MYO7B: variants seen among roughly 807,000 people sequenced by gnomAD.
MYO7B encodes the protein unconventional myosin-VIIb.
In MYO7B, 212 loss-of-function variants were observed where a neutral mutation model predicts 259.7. The observed-to-expected ratio is 0.82, with a 90% confidence interval of 0.73 to 0.91. The LOEUF (loss-of-function observed/expected upper bound fraction) is 0.91. Ranked by LOEUF, MYO7B falls within the 40% of genes least tolerant of loss-of-function variation. The pLI is 0.00. For missense variants in MYO7B, 2,732 were observed against 2,813.5 expected, an observed-to-expected ratio of 0.97 and a Z score of 0.66; for synonymous variants, 1,197 against 1,166.4, an observed-to-expected ratio of 1.03 and a Z score of -0.54.
chr2:127,636,125 C>G lies in MYO7B; in HGVS notation c.6007-83C>G. 1.6e-6 allele frequency: 2 copies of G among 1,243,638 alleles called. No individual in the cohort carries two copies. Among genetic ancestry groups the G allele is most frequent in the Non-Finnish European group, 2.3e-6 (2 of 864,768 alleles). The allele number at this position is 1,243,638 out of a possible 1,614,324, so 77.0% of individuals were successfully genotyped here. A position where few individuals can be genotyped will look rare whatever the true frequency, so the allele number is the denominator to read the frequency against. ...CCCTCCCCTCCCCACCGTACTAGCCCTGGGGTAGGCAGGTGCTGCCCCCAC... is the reference window on the plus strand; with the variant it reads ...CCCTCCCCTCCCCACCGTACTAGCCGTGGGGTAGGCAGGTGCTGCCCCCAC... On this transcript the variant is annotated intron_variant, in intron 44 of 47. Coordinates refer to ENST00000409816, the MANE Select transcript of MYO7B (RefSeq NM_001393586.1). The surrounding 1 kb of genome is among the most constrained non-coding windows in gnomAD (Gnocchi z 4.5).
rs549436449 is a variant in MYO7B at position 127,572,292 on chromosome 2, G to A, written c.593-1628G>A. ...AACTTAGTTGAGCATGGTGGCATGCGCCTATAATCCCATCTACTCGGGATG... is the reference window on the plus strand; with the variant it reads ...AACTTAGTTGAGCATGGTGGCATGCACCTATAATCCCATCTACTCGGGATG... On this transcript the variant is annotated intron_variant, in intron 6 of 47. Coordinates refer to ENST00000409816, the MANE Select transcript of MYO7B (RefSeq NM_001393586.1). Among the ~76,000 whole-genome samples the A allele has an allele frequency of 5.3e-5, 8 of 151,804 alleles. No individual in the cohort carries two copies. In the South Asian group the frequency reaches 8.3e-4, roughly 16 times the overall value.
At chr2:127,631,095 A>T (rs1681474898) in intron 36 of MYO7B, 111 bp from the exon 37 acceptor site, 1 of 1,425,418 alleles carries the variant, frequency 7.0e-7, no homozygotes. Context: ...GGCTTGCGGC[A>T]GGGTGGGGTG....
Position 127,630,798 on chromosome 2 carries a change from AGAG to A in MYO7B, c.4828_4830del (p.Glu1610del). ...TTCAGAGCTTGCTTGCCATGTCACC[AGAG>A]AAGAGGAAGCTGGCGGCTCAGGAGG... On this transcript the variant is annotated inframe_deletion, in exon 36 of 48. Transcript: ENST00000409816. The A allele has an allele frequency of 1.2e-6, 2 of 1,613,038 alleles. No individual in the cohort carries two copies. Among genetic ancestry groups the A allele is most frequent in the Non-Finnish European group, 1.7e-6 (2 of 1,179,808 alleles).
rs963361757 is a variant in MYO7B, at chr2:127,559,656, G to A, written c.-23-44G>A. On this transcript the variant is annotated intron_variant, in intron 1 of 47. Coordinates refer to ENST00000409816, the MANE Select transcript of MYO7B (RefSeq NM_001393586.1). The surrounding 1 kb of genome is among the most constrained non-coding windows in gnomAD (Gnocchi z 4.1). Reference sequence around the variant, plus strand: ...TCCTGTGCTCCAGGGGCTCCTATTGGGGCTGTGTATGGAGCTGACGTTCTG... The same window carrying A: ...TCCTGTGCTCCAGGGGCTCCTATTGAGGCTGTGTATGGAGCTGACGTTCTG... 1.3e-6 allele frequency: 2 copies of A among 1,592,918 alleles called. No individual in the cohort carries two copies. The highest frequency in any genetic ancestry group is 2.7e-5 in the African/African-American group (2 of 74,466).
rs766605720 is a variant in MYO7B at position 127,627,272 on chromosome 2, ACT to A, written c.4427_4428del (p.Ser1476PhefsTer26). The A allele has an allele frequency of 1.7e-5, 27 of 1,611,228 alleles. No individual in the cohort carries two copies. Among genetic ancestry groups the A allele is most frequent in the African/African-American group, 4.0e-5 (3 of 74,250 alleles). Reference sequence around the variant, plus strand: ...ACCAGCAGGAGAAGATGCTGCTGGAACTCTCTTTCCCAGAGGTCATGGGTCTG... The same window carrying A: ...ACCAGCAGGAGAAGATGCTGCTGGAACTCTTTCCCAGAGGTCATGGGTCTG... ...LDQQEKMLLELSFPEVMGLAT... is the reference protein window; with the variant it reads ...LDQQEKMLLEXSFPEVMGLAT... On this transcript the variant is annotated frameshift_variant, in exon 33 of 48. Transcript: ENST00000409816. LOFTEE classifies it high-confidence loss of function. The surrounding 1 kb of genome is among the most constrained non-coding windows in gnomAD (Gnocchi z 5.6).
intron 1 of MYO7B, among the ~76,000 whole-genome samples, chr2:127,555,399 G>T (rs1286584709): frequency 6.6e-6 from 1 of 151,948 alleles, no homozygotes; most frequent in Non-Finnish European, 1.5e-5. Context: ...ATTTAGTTCT[G>T]CTCTGATCTT....
Position 127,625,515 on chromosome 2 carries a change from G to A in MYO7B, c.4195G>A (p.Val1399Ile), listed in dbSNP as rs761760742. The A allele has an allele frequency of 1.8e-5, 29 of 1,604,708 alleles. No individual in the cohort carries two copies. Among genetic ancestry groups the A allele is most frequent in the East Asian group, 2.3e-5 (1 of 44,388 alleles). ...GCCCCCAGACAGGTGGGCGAGCCTC[G>A]TCACTGCCGCCTGCGCCAAGGTCAG... is the stretch of plus-strand genomic sequence containing the variant. The part of the protein sequence containing the change: ...TKPPDRWASL[V>I]TAACAKAPYT... Residue 1399 changes from valine (V) to isoleucine (I), a missense_variant, in exon 31 of 48, where the codon GTC becomes ATC. This residue lies in a region of MYO7B where 1,906 missense variants were observed against 2,026.4 expected (regional missense o/e 0.94). Coordinates refer to ENST00000409816, the MANE Select transcript of MYO7B (RefSeq NM_001393586.1).
Position 127,635,915 on chromosome 2 carries a change from G to A in MYO7B, c.6006+8G>A, listed in dbSNP as rs1295610753. ...TCGGAGGAGTGGAAAAAGGTCCCTG[G>A]TCGGGCTGGGGAAGGGTTCTTGTGC... On this transcript the variant is annotated splice_region_variant and intron_variant, in intron 44 of 47. Coordinates refer to ENST00000409816, the MANE Select transcript of MYO7B (RefSeq NM_001393586.1). The A allele has an allele frequency of 3.2e-6, 5 of 1,560,600 alleles. No individual in the cohort carries two copies. The African/African-American group carries it at 6.8e-5, about 21-fold the overall frequency.
chr2:127,553,338 ATTGCT>A (rs201499335), intron 1 of MYO7B, among the ~76,000 whole-genome samples: 1 of 152,134 alleles, frequency 6.6e-6, no homozygotes, highest in East Asian at 1.9e-4. Context: ...GAATTTTTAA[ATTGCT>A]TTTGGCAGTA....
Position 127,571,442 on chromosome 2 carries a change from G to GTTTTTTTTTTTTTT in MYO7B, c.592+1536_592+1549dup. Among the ~76,000 whole-genome samples the GTTTTTTTTTTTTTT allele has an allele frequency of 9.5e-4, 40 of 41,926 alleles. 2 individuals carry two copies. The highest frequency in any genetic ancestry group is 3.0e-3 in the East Asian group (2 of 664). The allele number at this position is 41,926 out of a possible 152,430, so 27.5% of individuals were successfully genotyped here. On this transcript the variant is annotated intron_variant, in intron 6 of 47. Coordinates refer to ENST00000409816, the MANE Select transcript of MYO7B (RefSeq NM_001393586.1). Reference sequence around the variant, plus strand: ...AATTGGTCTATTTCCTTACCAGTGAGTTTTTTTTTTTTTTTTTGCTTGTTT... The same window carrying GTTTTTTTTTTTTTT: ...AATTGGTCTATTTCCTTACCAGTGAGTTTTTTTTTTTTTTTTTTTTTTTTTTTTTTTGCTTGTTT...
At chr2:127,587,261 C>G (rs1322957912) in intron 14 of MYO7B, among the ~76,000 whole-genome samples, 1 of 152,196 alleles carries the variant, frequency 6.6e-6, no homozygotes, top group African/African-American at 2.4e-5. Context: ...GTCCCTACTG[C>G]AGGGCTAGGC....
intron 1 of MYO7B, among the ~76,000 whole-genome samples, chr2:127,542,853 C>A (rs1252143810): frequency 1.3e-5 from 2 of 152,158 alleles, no homozygotes; most frequent in African/African-American, 2.4e-5. Flanking sequence ...GAACAAAGAT[C>A]TCTGTGTCAT....
chr2:127,625,533 A>C lies in MYO7B; in HGVS notation c.4213A>C (p.Lys1405Gln). Residue 1405 changes from lysine to glutamine, a missense_variant and splice_region_variant, in exon 31 of 48, where the codon AAG becomes CAG. Lys to Gln is a moderately conservative substitution (Grantham distance 53). Transcript: ENST00000409816. ...WASLVTAACA[K>Q]APYTQKQVTP... ...GAGCCTCGTCACTGCCGCCTGCGCC[A>C]AGGTCAGCCTGCATGCAGCTCAGGC... 1 of 1,596,980 alleles carries C rather than the reference A, an allele frequency of 6.3e-7. No individual in the cohort carries two copies. Among genetic ancestry groups the C allele is most frequent in the East Asian group, 2.3e-5 (1 of 44,088 alleles).
intron 16 of MYO7B, 62 bp from the exon 17 acceptor site, chr2:127,592,732 G>T: frequency 1.3e-6 from 2 of 1,557,604 alleles, no homozygotes; most frequent in South Asian, 1.2e-5. Flanking sequence ...GTGGGGTGCC[G>T]GGAAGGGGGG....
rs1678897230 is a variant in MYO7B at position 127,576,973 on chromosome 2, A to G, written c.849+265A>G. Among the ~76,000 whole-genome samples, 1 of 151,580 alleles carries G rather than the reference A, an allele frequency of 6.6e-6. No individual in the cohort carries two copies. Among genetic ancestry groups the G allele is most frequent in the Admixed American group, 6.6e-5 (1 of 15,250 alleles). On this transcript the variant is annotated intron_variant, in intron 8 of 47. Coordinates refer to ENST00000409816, the MANE Select transcript of MYO7B (RefSeq NM_001393586.1). This position sits in a 1 kb window ranked among gnomAD's most constrained non-coding sequence, Gnocchi z 4.9. ...CAGACCTCATCTTCCTTTGGTCCCC[A>G]CTGGATGACAGGCTCCCGGTGCCCA...
At chr2:127,620,988 G>A (rs2245711) in intron 27 of MYO7B, among the ~76,000 whole-genome samples, 52,138 of 152,074 alleles carry the variant, frequency 0.34, 9,277 homozygotes, top group South Asian at 0.54. Flanking sequence ...GCTAACTTCC[G>A]TTAATATTTC....
At chr2:127,543,667 G>A (rs1340047134) in intron 1 of MYO7B, among the ~76,000 whole-genome samples, 1 of 151,756 alleles carries the variant, frequency 6.6e-6, no homozygotes, top group Non-Finnish European at 1.5e-5. Context: ...CCTCCCCAGA[G>A]TATTTCTCTC....
At position 127,613,828 on chromosome 2, in the gene MYO7B, G is replaced by A. The variant is rs1409389943; in HGVS notation, c.3398+1225G>A. On this transcript the variant is annotated intron_variant, in intron 26 of 47. Transcript: ENST00000409816. This position sits in a 1 kb window ranked among gnomAD's most constrained non-coding sequence, Gnocchi z 4.3. ...TCCCTTTTTAGTTATTTTAGCCTTG[G>A]CTAGAGTACCTGGAGTCTGCCCCAC... 6.6e-6 allele frequency among the ~76,000 whole-genome samples: 1 copy of A among 152,176 alleles called. No individual in the cohort carries two copies. Among genetic ancestry groups the A allele is most frequent in the East Asian group, 1.9e-4 (1 of 5,198 alleles).
intron 5 of MYO7B, among the ~76,000 whole-genome samples, chr2:127,567,360 G>A (rs1333155029): frequency 6.6e-6 from 1 of 152,028 alleles, no homozygotes; most frequent in Non-Finnish European, 1.5e-5. Context: ...GGACAGAGGA[G>A]CAGCAGCTCC....
Sources: gnomAD v4.1 joint callset for allele counts (sites outside exome capture counted in the v4.1 genomes callset) on GRCh38, gnomAD v4.1.1 for gene constraint, gnomAD v4.1.1 regional missense constraint, Gnocchi (gnomAD v3.1) non-coding constraint, MANE v1.5 for transcripts, NCBI Gene and HGNC (gene_info 2026-07-23, HGNC 2026-07-21) for gene names.